The following PPM1E variants were observed in gnomAD, a reference collection of about 807,000 sequenced individuals.
The protein encoded by PPM1E is protein phosphatase, Mg2+/Mn2+ dependent 1E, also known as protein phosphatase 1E.
A neutral mutation model predicts 65.9 loss-of-function variants in PPM1E; 20 were observed. The observed-to-expected ratio is 0.30, with a 90% CI of 0.21 to 0.44. PPM1E has a LOEUF of 0.44. Among genes scored for constraint, PPM1E ranks in the 20% least tolerant of loss-of-function variants. PPM1E has a pLI of 1.00. For missense variants in PPM1E, 713 were observed against 953.1 expected (o/e 0.75, Z 3.32); for synonymous variants, 352 against 374.9 (o/e 0.94, Z 0.70).
rs139987465 is a variant in PPM1E, at chr17:58,758,326, G to A, written c.464+1865G>A. ...TGGCAGATCATGAGGTCAGGAGTTCGAGACCAGCCTGACCAACGTGGTGAA... is the reference window on the plus strand; with the variant it reads ...TGGCAGATCATGAGGTCAGGAGTTCAAGACCAGCCTGACCAACGTGGTGAA... On this transcript the variant is annotated intron_variant, in intron 1 of 6. Transcript: ENST00000308249. Among the ~76,000 whole-genome samples, 1,064 of 152,084 alleles carry A rather than the reference G, an allele frequency of 7.0e-3. 3 individuals are homozygous for A. Among genetic ancestry groups the A allele is most frequent in the Middle Eastern group, 0.021 (6 of 292 alleles).
rs574725521 is a variant in PPM1E at position 58,756,162 on chromosome 17, A to T, written c.165A>T (p.Glu55Asp). Residue 55 changes from glutamate to aspartate, a missense_variant, in exon 1 of 7, where the codon GAA becomes GAT. Physicochemically the swap from Glu to Asp is conservative, Grantham distance 45. Transcript: ENST00000308249. Reference protein sequence around the residue: ...SEPEPEPELVEAEAAEASVEE... With the variant: ...SEPEPEPELVDAEAAEASVEE... ...CCGAGCCCGAACCTGAACTGGTAGA[A>T]GCTGAGGCGGCCGAGGCTTCGGTAG... 1.9e-6 allele frequency: 3 copies of T among 1,587,536 alleles called. No individual in the cohort carries two copies. Among genetic ancestry groups the T allele is most frequent in the South Asian group, 2.3e-5 (2 of 88,166 alleles).
At chr17:58,949,019 A>G (rs991147478) in intron 1 of PPM1E, among the ~76,000 whole-genome samples, 1 of 152,212 alleles carries the variant, frequency 6.6e-6, no homozygotes, top group Admixed American at 6.5e-5. Context: ...AATGTCTGTT[A>G]GAGCTATGCT....
At chr17:58,926,377 G>C (rs1487069470) in intron 1 of PPM1E, among the ~76,000 whole-genome samples, 1 of 150,144 alleles carries the variant, frequency 6.7e-6, no homozygotes, top group African/African-American at 2.4e-5. Flanking sequence ...TTGGTTGATT[G>C]GTTGTCTCTG....
At chr17:58,844,818 A>T (rs1004281027) in intron 1 of PPM1E, among the ~76,000 whole-genome samples, 2 of 152,220 alleles carry the variant, frequency 1.3e-5, no homozygotes, top group African/African-American at 4.8e-5. Flanking sequence ...TTGTACCCTA[A>T]TAAGAAATCT....
intron 2 of PPM1E, among the ~76,000 whole-genome samples, chr17:58,962,979 C>G (rs1342966800): frequency 6.6e-6 from 1 of 152,040 alleles, no homozygotes; most frequent in Non-Finnish European, 1.5e-5. Context: ...ATCCCAGCTA[C>G]TTGAGAGGCT....
intron 1 of PPM1E, chr17:58,951,578 G>A (rs988179265): frequency 1.3e-5 from 2 of 152,112 alleles, no homozygotes; most frequent in Non-Finnish European, 2.9e-5. Context: ...CGGGGGCTGA[G>A]GTGGGAGGAT....
At chr17:58,837,207 C>T (rs2050668454) in intron 1 of PPM1E, among the ~76,000 whole-genome samples, 1 of 144,904 alleles carries the variant, frequency 6.9e-6, no homozygotes, top group Non-Finnish European at 1.5e-5. Flanking sequence ...CCATGATGGT[C>T]CCACTGCACT....
Position 58,980,545 on chromosome 17 carries a change from TG to T in PPM1E, c.1784del (p.Gly595ValfsTer12). 1 of 1,614,226 alleles carries T rather than the reference TG, an allele frequency of 6.2e-7. No individual in the cohort carries two copies. Among genetic ancestry groups the T allele is most frequent in the Non-Finnish European group, 8.5e-7 (1 of 1,180,026 alleles). Reference sequence around the variant, plus strand: ...TGCTACCAGTTGAGATGTTTGGTCCTGGTGCACCAAAGAAAGCAAATCTTAT... The same window carrying T: ...TGCTACCAGTTGAGATGTTTGGTCCTGTGCACCAAAGAAAGCAAATCTTAT... The part of the protein sequence containing the change: ...FLLPVEMFGP[G>X]APKKANLINE... On this transcript the variant is annotated frameshift_variant, in exon 7 of 7. Transcript: ENST00000308249. LOFTEE classifies it high-confidence loss of function. The surrounding 1 kb of genome is among the most constrained non-coding windows in gnomAD (Gnocchi z 4.7).
At chr17:58,883,199 T>TC (rs1212756411) in intron 1 of PPM1E, among the ~76,000 whole-genome samples, 1 of 151,948 alleles carries the variant, frequency 6.6e-6, no homozygotes, top group Admixed American at 6.5e-5. Flanking sequence ...CCTCAGGTGA[T>TC]CCACCTGCCT....
chr17:58,979,492 T>C (rs1478472839), intron 6 of PPM1E, among the ~76,000 whole-genome samples: 33 of 152,192 alleles, frequency 2.2e-4, no homozygotes, highest in Admixed American at 2.2e-3. Context: ...TAAACAAGAA[T>C]AGAACAAAAA....
At position 58,969,635 on chromosome 17, in the gene PPM1E, C is replaced by T. The variant is rs1023376960; in HGVS notation, c.880C>T (p.Arg294Cys). 3.7e-6 allele frequency: 6 copies of T among 1,614,078 alleles called. No homozygotes were observed. Among genetic ancestry groups the T allele is most frequent in the South Asian group, 3.3e-5 (3 of 91,076 alleles). ...CATTCACCTCCACGTTAACTTAGTCCGCCAGGAGATGTTCCCCCATGATCC... is the reference window on the plus strand; with the variant it reads ...CATTCACCTCCACGTTAACTTAGTCTGCCAGGAGATGTTCCCCCATGATCC... ...ASIHLHVNLVRQEMFPHDPAE... is the reference protein window; with the variant it reads ...ASIHLHVNLVCQEMFPHDPAE... Residue 294 changes from arginine (R) to cysteine (C), a missense_variant, in exon 4 of 7, where the codon CGC (arginine) becomes TGC (cysteine). This residue lies in a region of PPM1E where 18 missense variants were observed against 16.4 expected (regional missense o/e 1.10). Coordinates refer to ENST00000308249, the MANE Select transcript of PPM1E (RefSeq NM_014906.5).
intron 1 of PPM1E, among the ~76,000 whole-genome samples, chr17:58,781,204 G>A (rs943301571): frequency 9.0e-5 from 13 of 144,236 alleles, no homozygotes; most frequent in Non-Finnish European, 1.5e-4. Flanking sequence ...GCAGTGTCAC[G>A]ATCTCAGCTC....
chr17:58,849,866 A>G (rs1251172986), intron 1 of PPM1E, among the ~76,000 whole-genome samples: 2 of 152,216 alleles, frequency 1.3e-5, no homozygotes, highest in Non-Finnish European at 2.9e-5. Context: ...TGATCTGTCT[A>G]ATGTTGACAG....
rs182324743 is a variant in PPM1E at position 58,772,197 on chromosome 17, G to A, written c.464+15736G>A. Among the ~76,000 whole-genome samples the A allele has an allele frequency of 3.1e-3, 467 of 152,202 alleles. 1 individual carries two copies. The highest frequency in any genetic ancestry group is 0.01 in the African/African-American group (428 of 41,550). Reference sequence around the variant, plus strand: ...ATGCAGGCTGGGCGCGGTGGCTCACGCCTGTAATCTCAGCACTTTGGGAGG... The same window carrying A: ...ATGCAGGCTGGGCGCGGTGGCTCACACCTGTAATCTCAGCACTTTGGGAGG... On this transcript the variant is annotated intron_variant, in intron 1 of 6. Coordinates refer to ENST00000308249, the MANE Select transcript of PPM1E (RefSeq NM_014906.5).
chr17:58,980,283 C>G lies in PPM1E; in HGVS notation c.1520C>G (p.Ser507Cys), dbSNP rs746727705. The G allele has an allele frequency of 3.5e-5, 57 of 1,614,008 alleles. No homozygotes were observed. The highest frequency in any genetic ancestry group is 4.4e-5 in the Non-Finnish European group (52 of 1,180,040). ...GAGGAATCAGATTGGACAGAGAACT[C>G]TTTTCAAGGAGGGCAAGAAGATGGT... ...VSEESDWTEN[S>C]FQGGQEDGGD... is the part of the protein sequence containing the mutation. Residue 507 changes from serine (S) to cysteine (C), a missense_variant, in exon 7 of 7, where the codon TCT becomes TGT. By Grantham distance (112) the Ser-to-Cys change is moderately radical (BLOSUM62 -1). This residue lies in a region of PPM1E where 286 missense variants were observed against 313.8 expected (regional missense o/e 0.91). Transcript: ENST00000308249. This position sits in a 1 kb window ranked among gnomAD's most constrained non-coding sequence, Gnocchi z 4.7.
At chr17:58,775,415 A>G (rs927251107) in intron 1 of PPM1E, among the ~76,000 whole-genome samples, 1 of 152,160 alleles carries the variant, frequency 6.6e-6, no homozygotes, top group African/African-American at 2.4e-5. Flanking sequence ...CAACCGCTCT[A>G]TAATAATGTT....
Position 58,825,537 on chromosome 17 carries a change from AT to A in PPM1E, c.464+69084del, listed in dbSNP as rs200602076. Among the ~76,000 whole-genome samples the A allele has an allele frequency of 5.8e-3, 875 of 151,692 alleles. 6 individuals are homozygous for A. Among genetic ancestry groups the A allele is most frequent in the Non-Finnish European group, 9.9e-3 (672 of 67,866 alleles). On this transcript the variant is annotated intron_variant, in intron 1 of 6. Transcript: ENST00000308249. ...TTTTTCAGGAAACAAATGAAAACGT[AT>A]TTTTTTTATTCTCTGTTGTTTTTTG...
At chr17:58,765,177 TTC>T (rs1246456565) in intron 1 of PPM1E, among the ~76,000 whole-genome samples, 8 of 148,206 alleles carry the variant, frequency 5.4e-5, no homozygotes, top group African/African-American at 1.8e-4. Context: ...TTTTCTTTCT[TTC>T]TTTTTTTTTT....
At position 58,756,273 on chromosome 17, in the gene PPM1E, G is replaced by C. The variant is rs2049762391; in HGVS notation, c.276G>C (p.Ala92=). The change falls in exon 1 of 7, where the codon GCG becomes GCC. Residue 92 remains alanine (A), a synonymous_variant. Coordinates refer to ENST00000308249, the MANE Select transcript of PPM1E (RefSeq NM_014906.5). ...ACCCGGAGCCCGAGGAGGAGGCGGC[G>C]GTTGAGGGTGAGGAGGAGGAGGAGG... is the stretch of plus-strand genomic sequence containing the variant. ...EQDPEPEEEA[A]VEGEEEEEGA... is the part of the protein sequence containing the mutation. 4 of 1,547,994 alleles carry C rather than the reference G, an allele frequency of 2.6e-6. No homozygotes were observed. The highest frequency in any genetic ancestry group is 3.5e-6 in the Non-Finnish European group (4 of 1,145,922).
Sources: gnomAD v4.1 joint callset for allele counts (sites outside exome capture counted in the v4.1 genomes callset) on GRCh38, gnomAD v4.1.1 for gene constraint, gnomAD v4.1.1 regional missense constraint, Gnocchi (gnomAD v3.1) non-coding constraint, MANE v1.5 for transcripts, NCBI Gene and HGNC (gene_info 2026-07-23, HGNC 2026-07-21) for gene names.